PEAK1: variants seen among roughly 807,000 people sequenced by gnomAD.
The protein encoded by PEAK1 is pseudopodium enriched atypical kinase 1, also known as inactive tyrosine-protein kinase PEAK1.
In PEAK1, 54 loss-of-function variants were observed where a neutral mutation model predicts 124.7. The observed-to-expected ratio is 0.43, with a 90% CI of 0.35 to 0.54. The LOEUF (loss-of-function observed/expected upper bound fraction) is 0.54. Among genes scored for constraint, PEAK1 ranks in the 20% least tolerant of loss-of-function variants. PEAK1 has a pLI of 0.01. For missense variants in PEAK1, 2,046 were observed against 2,134.5 expected (o/e 0.96, Z 0.82); for synonymous variants, 719 against 760.0 (o/e 0.95, Z 0.89).
chr15:77,219,878 C>T (rs1157742714), intron 6 of PEAK1, among the ~76,000 whole-genome samples: 3 of 151,980 alleles, frequency 2.0e-5, no homozygotes, highest in African/African-American at 7.2e-5. Flanking sequence ...ATTTTATACC[C>T]TAGTAATTTT....
At chr15:77,367,876 A>C (rs2068360990) in intron 1 of PEAK1, among the ~76,000 whole-genome samples, 1 of 152,212 alleles carries the variant, frequency 6.6e-6, no homozygotes, top group Non-Finnish European at 1.5e-5. Flanking sequence ...GGATACCTCC[A>C]AGCTTGGGTA....
At chr15:77,281,617 AGAAAT>A (rs1367599993) in intron 5 of PEAK1, among the ~76,000 whole-genome samples, 1 of 152,194 alleles carries the variant, frequency 6.6e-6, no homozygotes. Context: ...TTTTCATAAA[AGAAAT>A]AAAAAGACCC....
rs766447394 is a variant in PEAK1 at position 77,114,150 on chromosome 15, T to A, written c.*6A>T. On this transcript the variant is annotated 3_prime_UTR_variant, in exon 10 of 10. Transcript: ENST00000682557. ...AGATGTAGTAAAAGCATCATCCAGG[T>A]ACACATTAACGGTGCTGCAGAATTT... 1 of 1,611,952 alleles carries A rather than the reference T, an allele frequency of 6.2e-7. No homozygotes were observed. Among genetic ancestry groups the A allele is most frequent in the South Asian group, 1.1e-5 (1 of 91,004 alleles).
At chr15:77,230,935 C>A (rs2059887130) in intron 6 of PEAK1, among the ~76,000 whole-genome samples, 1 of 151,084 alleles carries the variant, frequency 6.6e-6, no homozygotes, top group African/African-American at 2.4e-5. Flanking sequence ...AAGTAAAAAC[C>A]AAAAATTAGG....
At chr15:77,389,517 G>A (rs2070271964) in intron 1 of PEAK1, among the ~76,000 whole-genome samples, 1 of 152,094 alleles carries the variant, frequency 6.6e-6, no homozygotes, top group Non-Finnish European at 1.5e-5. Context: ...ACAAAGCTGG[G>A]ATGATAACTT....
At position 77,175,633 on chromosome 15, in the gene PEAK1, G is replaced by T. The variant is rs577316894; in HGVS notation, c.3137+3157C>A. On this transcript the variant is annotated intron_variant, in intron 7 of 9. Transcript: ENST00000682557. ...TGCTGGAGAGGATGTGGAGAAACAG[G>T]AACACTTTTACACTGTTGGTGGGAC... Among the ~76,000 whole-genome samples, 81 of 152,258 alleles carry T rather than the reference G, an allele frequency of 5.3e-4. No homozygotes were observed. The Middle Eastern group carries it at 0.017, about 32-fold the overall frequency.
rs1270804933 is a variant in PEAK1 at position 77,180,506 on chromosome 15, G to A, written c.1421C>T (p.Pro474Leu). The A allele has an allele frequency of 1.2e-6, 2 of 1,614,066 alleles. No individual in the cohort carries two copies. Among genetic ancestry groups the A allele is most frequent in the Non-Finnish European group, 8.5e-7 (1 of 1,179,996 alleles). Residue 474 changes from proline to leucine, a missense_variant, in exon 7 of 10, where the codon CCA becomes CTA. By Grantham distance (98) the Pro-to-Leu change is moderately conservative. Coordinates refer to ENST00000682557, the MANE Select transcript of PEAK1 (RefSeq NM_001385026.1). ...TGCTGACACATCCACGACAGTATAT[G>A]GCTTGCACAATGGCTGTTCCAGGTT... Reference protein sequence around the residue: ...VVNLEQPLCKPYTVVDVSAAM... With the variant: ...VVNLEQPLCKLYTVVDVSAAM...
chr15:77,371,372 C>T (rs552593449), intron 1 of PEAK1: 1 of 929,900 alleles, frequency 1.1e-6, no homozygotes, highest in South Asian at 5.0e-5. Flanking sequence ...AGATAAGGAA[C>T]ATTAATTGAA....
At chr15:77,247,650 A>G (rs1310499355) in intron 6 of PEAK1, among the ~76,000 whole-genome samples, 2 of 150,310 alleles carry the variant, frequency 1.3e-5, no homozygotes, top group South Asian at 2.1e-4. Flanking sequence ...TAATTTTTTT[A>G]TTTGTTTTTT....
At chr15:77,376,891 A>G (rs1182783451) in intron 1 of PEAK1, among the ~76,000 whole-genome samples, 1 of 152,194 alleles carries the variant, frequency 6.6e-6, no homozygotes, top group African/African-American at 2.4e-5. Flanking sequence ...TCTCTTACCA[A>G]CAGGGATACA....
At chr15:77,395,763 A>T (rs1322336579) in intron 1 of PEAK1, among the ~76,000 whole-genome samples, 1 of 152,178 alleles carries the variant, frequency 6.6e-6, no homozygotes, top group Non-Finnish European at 1.5e-5. Flanking sequence ...CAGACAAACA[A>T]AAGTCAAACA....
intron 2 of PEAK1, among the ~76,000 whole-genome samples, chr15:77,364,088 A>G (rs142872788): frequency 6.6e-6 from 1 of 152,238 alleles, no homozygotes; most frequent in East Asian, 1.9e-4. Context: ...AATCCCAGCT[A>G]CTGGGGAGGC....
intron 5 of PEAK1, among the ~76,000 whole-genome samples, chr15:77,256,455 G>C (rs1162543188): frequency 6.6e-6 from 1 of 151,866 alleles, no homozygotes; most frequent in Non-Finnish European, 1.5e-5. Flanking sequence ...GGTCTACTAG[G>C]AATCTGATAG....
chr15:77,413,436 C>T (rs1325264554), intron 1 of PEAK1, among the ~76,000 whole-genome samples: 1 of 152,166 alleles, frequency 6.6e-6, no homozygotes, highest in African/African-American at 2.4e-5. Context: ...ATATCATGCA[C>T]CTCCTGTATG....
At chr15:77,247,834 A>G (rs1033205016) in intron 6 of PEAK1, among the ~76,000 whole-genome samples, 3 of 152,020 alleles carry the variant, frequency 2.0e-5, no homozygotes, top group Non-Finnish European at 4.4e-5. Context: ...ACCTACTTTC[A>G]TAATGCATTA....
chr15:77,146,682 T>A (rs2054201180), intron 8 of PEAK1, among the ~76,000 whole-genome samples: 1 of 152,194 alleles, frequency 6.6e-6, no homozygotes, highest in Non-Finnish European at 1.5e-5. Context: ...GCTCTCAACC[T>A]CAGTTTTTTA....
chr15:77,159,351 T>C (rs2055429854), intron 7 of PEAK1, among the ~76,000 whole-genome samples: 1 of 152,198 alleles, frequency 6.6e-6, no homozygotes, highest in African/African-American at 2.4e-5. Flanking sequence ...TTTATTAAAA[T>C]GAATCTGAAG....
intron 1 of PEAK1, among the ~76,000 whole-genome samples, chr15:77,412,565 T>C (rs759108787): frequency 6.6e-6 from 1 of 152,234 alleles, no homozygotes; most frequent in Non-Finnish European, 1.5e-5. Context: ...TTTATATTTT[T>C]ATATACAGAA....
At chr15:77,206,617 A>G (rs1178832863) in intron 6 of PEAK1, among the ~76,000 whole-genome samples, 3 of 151,456 alleles carry the variant, frequency 2.0e-5, no homozygotes, top group African/African-American at 4.9e-5. Context: ...TGGCTGCATA[A>G]ATGTCTTCTT....
Sources: allele counts gnomAD v4.1 joint callset (sites outside exome capture counted in the v4.1 genomes callset), GRCh38; gene constraint gnomAD v4.1.1; transcripts MANE v1.5; gene names NCBI Gene and HGNC (gene_info 2026-07-23, HGNC 2026-07-21).